AFAP1L2: variants seen among roughly 807,000 people sequenced by gnomAD.
AFAP1L2 encodes the protein actin filament-associated protein 1-like 2.
A neutral mutation model predicts 99.3 loss-of-function variants in AFAP1L2; 46 were observed. That is an observed-to-expected ratio of 0.46 (90% CI 0.37 to 0.59). AFAP1L2 has a LOEUF of 0.59. Ranked by LOEUF, AFAP1L2 falls within the 20% of genes least tolerant of loss-of-function variation. AFAP1L2 has a pLI of 0.00. For missense variants in AFAP1L2, 959 were observed against 1,034.9 expected (o/e 0.93, Z 1.01); for synonymous variants, 397 against 419.1 (o/e 0.95, Z 0.64).
At chr10:114,284,879 G>T in the AFAP1L2 span, 7 of 1,609,356 alleles carry the variant, frequency 4.3e-6, no homozygotes, top group Non-Finnish European at 5.9e-6. Context: ...GTGACTCGCA[G>T]CCCTGCCAGA....
Position 114,377,514 on chromosome 10 carries a change from G to C in AFAP1L2, c.16+26926C>G, listed in dbSNP as rs999063794. ...CTGTATCATAGACACTGTACCATAT[G>C]CCATATGTACTTAATCAAGGGAGTA... On this transcript the variant is annotated intron_variant, in intron 1 of 18. Coordinates refer to ENST00000304129, the MANE Select transcript of AFAP1L2 (RefSeq NM_001001936.3). The surrounding 1 kb of genome is among the most constrained non-coding windows in gnomAD (Gnocchi z 4.0). 1.3e-5 allele frequency among the ~76,000 whole-genome samples: 2 copies of C among 152,180 alleles called. No individual in the cohort carries two copies. The highest frequency in any genetic ancestry group is 4.8e-5 in the African/African-American group (2 of 41,448).
chr10:114,286,077 G>T, the AFAP1L2 span: 4 of 1,614,124 alleles, frequency 2.5e-6, no homozygotes, highest in South Asian at 4.4e-5. Flanking sequence ...GAGGACTCTC[G>T]GGCCCGAGTG....
At chr10:114,367,235 C>T (rs142285070) in intron 1 of AFAP1L2, among the ~76,000 whole-genome samples, 29 of 152,296 alleles carry the variant, frequency 1.9e-4, no homozygotes, top group Non-Finnish European at 4.0e-4. Context: ...AGACAAATAG[C>T]CCTTCTGGAA....
chr10:114,344,801 TAAG>T (rs976819124), intron 1 of AFAP1L2, among the ~76,000 whole-genome samples: 1 of 152,156 alleles, frequency 6.6e-6, no homozygotes, highest in African/African-American at 2.4e-5. Context: ...AGAGGCATTT[TAAG>T]AAGAAGGGAT....
At chr10:114,353,925 G>GCC (rs1177144306) in intron 1 of AFAP1L2, among the ~76,000 whole-genome samples, 1 of 152,184 alleles carries the variant, frequency 6.6e-6, no homozygotes, top group East Asian at 1.9e-4. Context: ...TTGGGAGACG[G>GCC]AAGGATGTAA....
intron 1 of AFAP1L2, among the ~76,000 whole-genome samples, chr10:114,350,792 C>T (rs1352037554): frequency 6.6e-6 from 1 of 152,140 alleles, no homozygotes; most frequent in African/African-American, 2.4e-5. Context: ...AGAGAACCCA[C>T]GGTGAAAGAA....
chr10:114,369,097 A>C (rs535841707), intron 1 of AFAP1L2, among the ~76,000 whole-genome samples: 1 of 152,162 alleles, frequency 6.6e-6, no homozygotes, highest in Non-Finnish European at 1.5e-5. Context: ...TTTGGGGCCA[A>C]CTATGGGTGT....
In AFAP1L2 at chr10:114,331,840, G is replaced by C; in HGVS notation, c.278C>G (p.Pro93Arg). 1 of 1,396,426 alleles carries C rather than the reference G, an allele frequency of 7.2e-7. No homozygotes were observed. The highest frequency in any genetic ancestry group is 9.4e-7 in the Non-Finnish European group (1 of 1,066,804). 86.5% of individuals were successfully genotyped at this position (1,396,426 alleles called of 1,614,324 possible). The change falls in exon 4 of 19, where the codon CCT becomes CGT. Residue 93 changes from proline to arginine, a missense_variant. Coordinates refer to ENST00000304129, the MANE Select transcript of AFAP1L2 (RefSeq NM_001001936.3). ...NGEPSQHSSA[P>R]QKSLPDLPPP... ...CGGGAGGTCTGGAAGGCTCTTCTGA[G>C]GGGCCGAGGAGTGCTGGCTGGGCTC...
At chr10:114,314,740 G>A (rs1222982682) in intron 6 of AFAP1L2, among the ~76,000 whole-genome samples, 2 of 104,022 alleles carry the variant, frequency 1.9e-5, no homozygotes, top group African/African-American at 5.3e-5. Flanking sequence ...AAACAGGACT[G>A]TTGTCAGAGT....
chr10:114,398,915 C>G lies in AFAP1L2; in HGVS notation c.16+5525G>C, dbSNP rs781546191. 7 of 1,304,368 alleles carry G rather than the reference C, an allele frequency of 5.4e-6. No homozygotes were observed. The Admixed American group carries it at 6.9e-5, about 13-fold the overall frequency. The allele number at this position is 1,304,368 out of a possible 1,614,324, so 80.8% of individuals were successfully genotyped here. ...AGCAACACCCCTGTGCTGGAATAGA[C>G]AGAAATAAGGCTCAAGTCGGGAAAG... On this transcript the variant is annotated intron_variant, in intron 1 of 18. Transcript: ENST00000304129.
upstream of AFAP1L2, chr10:114,404,601 C>T (rs1051558411): frequency 4.1e-6 from 5 of 1,228,756 alleles, no homozygotes; most frequent in East Asian, 3.3e-5. Flanking sequence ...CGCCCAGGGT[C>T]CTCGGACCTG....
intron 4 of AFAP1L2, among the ~76,000 whole-genome samples, chr10:114,326,679 G>A (rs780532860): frequency 5.9e-5 from 9 of 152,142 alleles, no homozygotes; most frequent in Non-Finnish European, 1.2e-4. Flanking sequence ...CCGATCTCCA[G>A]AACCAGGCTT....
intron 5 of AFAP1L2, chr10:114,319,663 G>A (rs2044794660): frequency 1.6e-6 from 2 of 1,283,434 alleles, no homozygotes; most frequent in Non-Finnish European, 2.0e-6. Context: ...ACATCCAGGA[G>A]CACAGACAGA....
intron 1 of AFAP1L2, among the ~76,000 whole-genome samples, chr10:114,404,096 G>A (rs1207694965): frequency 6.6e-6 from 1 of 152,114 alleles, no homozygotes; most frequent in Admixed American, 6.5e-5. Context: ...GGGCTTCCTC[G>A]GCCCCAGGCA....
intron 2 of AFAP1L2, among the ~76,000 whole-genome samples, chr10:114,338,496 GCCGCCT>G (rs1240177214): frequency 5.3e-5 from 8 of 152,214 alleles, no homozygotes; most frequent in African/African-American, 1.9e-4. Context: ...AATGTTCCTA[GCCGCCT>G]CCTTCGTAAT....
rs200106844 is a variant in AFAP1L2, at chr10:114,300,208, C to T, written c.1943G>A (p.Arg648His). ...AGCACAAGTACCTGCACTGGTCACG[C>T]GCAACCTGTCCTTCACAGGTGGGCT... ...GASPPVKDRL[R>H]VTSAEIKLGK... is the part of the protein sequence containing the mutation. The change falls in exon 15 of 19, where the codon CGC (arginine) becomes CAC (histidine). Residue 648 changes from arginine to histidine, a missense_variant. Around this residue, in one of 2 missense-constraint regions of AFAP1L2, gnomAD observed 576 missense variants for 562.1 expected, o/e 1.02. Transcript: ENST00000304129. 258 of 1,614,090 alleles carry T rather than the reference C, an allele frequency of 1.6e-4. No homozygotes were observed. The highest frequency in any genetic ancestry group is 4.7e-5 in the Non-Finnish European group (55 of 1,180,048).
intron 1 of AFAP1L2, among the ~76,000 whole-genome samples, chr10:114,380,250 C>A (rs1200190147): frequency 6.6e-6 from 1 of 152,196 alleles, no homozygotes; most frequent in African/African-American, 2.4e-5. Context: ...TTCCACCACA[C>A]TTCCCTGGAC....
At chr10:114,325,816 G>A in intron 4 of AFAP1L2, 4 of 1,218,782 alleles carry the variant, frequency 3.3e-6, no homozygotes, top group South Asian at 1.4e-5. Context: ...CTGAGACAGT[G>A]ACAGACTTGC....
chr10:114,325,807 T>C, intron 4 of AFAP1L2: 1 of 1,200,154 alleles, frequency 8.3e-7, no homozygotes, highest in Non-Finnish European at 1.1e-6. Context: ...GAGAAAAGGC[T>C]GAGACAGTGA....
Sources: gnomAD v4.1 joint callset for allele counts (sites outside exome capture counted in the v4.1 genomes callset) on GRCh38, gnomAD v4.1.1 for gene constraint, gnomAD v4.1.1 regional missense constraint, Gnocchi (gnomAD v3.1) non-coding constraint, MANE v1.5 for transcripts, NCBI Gene and HGNC (gene_info 2026-07-23, HGNC 2026-07-21) for gene names.